ZNF385B: variants seen among roughly 807,000 people sequenced by gnomAD.
ZNF385B encodes the protein zinc finger protein 385B, also known as zinc finger protein 533.
Under a neutral mutation model 39.2 loss-of-function variants are expected in ZNF385B, and 23 were observed. The ratio of observed to expected loss-of-function variants is 0.59; its 90% CI spans 0.42 to 0.83. The LOEUF is 0.83. Among genes scored for constraint, ZNF385B ranks in the 40% least tolerant of loss-of-function variants. The pLI is 0.00. For missense variants in ZNF385B, 552 were observed against 598.9 expected, an observed-to-expected ratio of 0.92 and a Z score of 0.82; for synonymous variants, 205 against 222.6, an observed-to-expected ratio of 0.92 and a Z score of 0.70.
chr2:179,847,011 T>C (rs1708831697), intron 1 of ZNF385B, among the ~76,000 whole-genome samples: 1 of 152,240 alleles, frequency 6.6e-6, no homozygotes, highest in Non-Finnish European at 1.5e-5. Context: ...TGTGAATAAA[T>C]AAATGCAGGT....
At chr2:179,470,520 A>G (rs920880292) in intron 6 of ZNF385B, among the ~76,000 whole-genome samples, 32 of 152,158 alleles carry the variant, frequency 2.1e-4, no homozygotes, top group Non-Finnish European at 1.8e-4. Flanking sequence ...CAGGGTCGCT[A>G]GGGCCACTCA....
chr2:179,466,042 G>A (rs1434651010), intron 6 of ZNF385B, among the ~76,000 whole-genome samples: 6 of 152,118 alleles, frequency 3.9e-5, no homozygotes, highest in Admixed American at 3.9e-4. Flanking sequence ...ATCATAACTA[G>A]TAAAACAAAT....
rs746950660 is a variant in ZNF385B at position 179,544,859 on chromosome 2, A to T, written c.409T>A (p.Ser137Thr). ...AAATTTGGAAAGAGCCCAACAGCAG[A>T]ACTACTGTCCACTGGAAAAGACATA... ...PFMSFPVDSSSAVGLFPNFNT... is the reference protein window; with the variant it reads ...PFMSFPVDSSTAVGLFPNFNT... Residue 137 changes from serine (S) to threonine (T), a missense_variant, in exon 4 of 10, where the codon TCT (serine) becomes ACT (threonine). Transcript: ENST00000410066. 7 of 1,614,032 alleles carry T rather than the reference A, an allele frequency of 4.3e-6. No individual in the cohort carries two copies. In the Admixed American group the frequency reaches 6.7e-5, roughly 15 times the overall value.
intron 3 of ZNF385B, among the ~76,000 whole-genome samples, chr2:179,682,350 C>T (rs1697583506): frequency 6.6e-6 from 1 of 152,176 alleles, no homozygotes; most frequent in African/African-American, 2.4e-5. Context: ...TCTACATGTC[C>T]TCCTAGCTTC....
intron 5 of ZNF385B, among the ~76,000 whole-genome samples, chr2:179,492,153 A>C (rs894330366): frequency 2.6e-5 from 4 of 152,204 alleles, no homozygotes; most frequent in Non-Finnish European, 5.9e-5. Context: ...ATCTTAGTTG[A>C]TAATTCTCAG....
intron 3 of ZNF385B, among the ~76,000 whole-genome samples, chr2:179,667,632 C>A (rs1032019416): frequency 6.6e-6 from 1 of 152,124 alleles, no homozygotes; most frequent in Non-Finnish European, 1.5e-5. Flanking sequence ...CCCTCAGGAA[C>A]TGGGAAGATG....
intron 6 of ZNF385B, among the ~76,000 whole-genome samples, chr2:179,467,795 C>G (rs1293606564): frequency 6.7e-6 from 1 of 149,818 alleles, no homozygotes; most frequent in Admixed American, 6.6e-5. Flanking sequence ...TCAGAATCTG[C>G]ATGTCCTTTA....
chr2:179,563,063 A>G (rs527251267), intron 3 of ZNF385B, among the ~76,000 whole-genome samples: 1 of 152,212 alleles, frequency 6.6e-6, no homozygotes, highest in Non-Finnish European at 1.5e-5. Context: ...GTTCAAAAAG[A>G]CTAGGGCAGA....
chr2:179,583,895 C>T (rs1686807717), intron 3 of ZNF385B: 43 of 1,302,076 alleles, frequency 3.3e-5, no homozygotes, highest in South Asian at 1.6e-4. Context: ...ATAAATTATA[C>T]ATTTTCTCTC....
chr2:179,505,211 A>G lies in ZNF385B; in HGVS notation c.552+13317T>C, dbSNP rs527611186. On this transcript the variant is annotated intron_variant, in intron 5 of 9. Transcript: ENST00000410066. ...ACATTCGTCAAACTCATATTCATGAATCTCACAAACTTTTGTATACTGAAA... is the reference window on the plus strand; with the variant it reads ...ACATTCGTCAAACTCATATTCATGAGTCTCACAAACTTTTGTATACTGAAA... Among the ~76,000 whole-genome samples, 120 of 152,122 alleles carry G rather than the reference A, an allele frequency of 7.9e-4. 1 individual carries two copies. The highest frequency in any genetic ancestry group is 2.8e-3 in the African/African-American group (114 of 41,446).
chr2:179,785,877 T>C (rs997840607), intron 1 of ZNF385B, among the ~76,000 whole-genome samples: 4 of 152,192 alleles, frequency 2.6e-5, no homozygotes, highest in Non-Finnish European at 4.4e-5. Flanking sequence ...TTTGAGAAAA[T>C]TGACTGCAAT....
At chr2:179,828,488 T>A (rs1707801912) in intron 1 of ZNF385B, among the ~76,000 whole-genome samples, 1 of 152,168 alleles carries the variant, frequency 6.6e-6, no homozygotes, top group Non-Finnish European at 1.5e-5. Flanking sequence ...CTTTGTAGCT[T>A]AAGTAAATTT....
chr2:179,485,178 A>G (rs569717991), intron 5 of ZNF385B, among the ~76,000 whole-genome samples: 234 of 152,364 alleles, frequency 1.5e-3, no homozygotes, highest in Non-Finnish European at 2.7e-3. Context: ...CAGAAAGAAT[A>G]TATGATTCTT....
At chr2:179,764,961 C>A (rs62180389) in intron 3 of ZNF385B, among the ~76,000 whole-genome samples, 7,399 of 152,214 alleles carry the variant, frequency 0.049, 254 homozygotes, top group Middle Eastern at 0.099. Context: ...GGGTCTTGAG[C>A]CAGCCAGTCC....
intron 3 of ZNF385B, among the ~76,000 whole-genome samples, chr2:179,665,359 CAG>C (rs1281723927): frequency 6.6e-6 from 1 of 152,190 alleles, no homozygotes; most frequent in Non-Finnish European, 1.5e-5. Context: ...CAGAAGCTTT[CAG>C]AGAGGTGATG....
At chr2:179,735,991 C>T (rs903709040) in intron 3 of ZNF385B, among the ~76,000 whole-genome samples, 1 of 151,200 alleles carries the variant, frequency 6.6e-6, no homozygotes, top group Non-Finnish European at 1.5e-5. Context: ...ATGTAACCTG[C>T]ACAATGTGCA....
chr2:179,626,614 T>A (rs1465875585), intron 3 of ZNF385B, among the ~76,000 whole-genome samples: 2 of 152,306 alleles, frequency 1.3e-5, no homozygotes, highest in East Asian at 3.9e-4. Flanking sequence ...TTCTCCAGCC[T>A]GAGTTATAAT....
intron 3 of ZNF385B, among the ~76,000 whole-genome samples, chr2:179,627,900 C>A (rs1456233193): frequency 1.3e-5 from 2 of 151,926 alleles, no homozygotes; most frequent in Admixed American, 1.3e-4. Context: ...GTCTCTTTGC[C>A]TACCATGAAA....
chr2:179,639,924 C>T (rs552406065), intron 3 of ZNF385B, among the ~76,000 whole-genome samples: 2 of 152,330 alleles, frequency 1.3e-5, no homozygotes, highest in Admixed American at 6.5e-5. Flanking sequence ...TGACATCTTA[C>T]ATACTCTGAG....
Sources: gnomAD v4.1 joint callset for allele counts (sites outside exome capture counted in the v4.1 genomes callset) on GRCh38, gnomAD v4.1.1 for gene constraint, MANE v1.5 for transcripts, NCBI Gene and HGNC (gene_info 2026-07-23, HGNC 2026-07-21) for gene names.